Variants in TCF12 observed in about 807,000 individuals in gnomAD.
The protein encoded by TCF12 is transcription factor 12.
A neutral mutation model predicts 86.0 loss-of-function variants in TCF12; 45 were observed. That is an observed-to-expected ratio of 0.52 (90% CI 0.41 to 0.67). The LOEUF is 0.67. Among genes scored for constraint, TCF12 ranks in the 30% least tolerant of loss-of-function variants. TCF12 has a pLI of 0.00. For missense variants in TCF12, 881 were observed against 859.9 expected (o/e 1.02, Z -0.31); for synonymous variants, 330 against 299.6 (o/e 1.10, Z -1.05).
At chr15:57,197,022 C>CA (rs2057298120) in intron 7 of TCF12, among the ~76,000 whole-genome samples, 1 of 152,044 alleles carries the variant, frequency 6.6e-6, no homozygotes, top group Admixed American at 6.6e-5. Context: ...GCCTAATTCT[C>CA]AGTGTGATGC....
intron 8 of TCF12, among the ~76,000 whole-genome samples, chr15:57,206,308 C>T (rs1385106120): frequency 2.6e-5 from 4 of 152,130 alleles, no homozygotes; most frequent in African/African-American, 9.7e-5. Flanking sequence ...TGAGACCAGC[C>T]TGGCCAACAT....
chr15:56,991,348 A>G (rs1318932422), intron 3 of TCF12, among the ~76,000 whole-genome samples: 1 of 152,186 alleles, frequency 6.6e-6, no homozygotes, highest in Non-Finnish European at 1.5e-5. Flanking sequence ...CCCACATTGG[A>G]CAAGATAAAA....
chr15:57,072,006 A>G (rs1345977492), intron 4 of TCF12, among the ~76,000 whole-genome samples: 4 of 152,196 alleles, frequency 2.6e-5, no homozygotes, highest in Admixed American at 1.3e-4. Context: ...ATTCTTTGGG[A>G]GCCAATTAAA....
rs2068132729 is a variant in TCF12 at position 57,057,622 on chromosome 15, G to T, written c.149-6128G>T. Among the ~76,000 whole-genome samples the T allele has an allele frequency of 1.4e-5, 2 of 144,272 alleles. 1 individual carries two copies. Among genetic ancestry groups the T allele is most frequent in the South Asian group, 4.5e-4 (2 of 4,434 alleles). 94.6% of individuals were successfully genotyped at this position (144,272 alleles called of 152,430 possible). ...TAGAAGAGAAAGAACAGTAGGAGAT[G>T]AGTTCAGAGAGGTGGGAGGCAGAAC... On this transcript the variant is annotated intron_variant, in intron 3 of 20. Coordinates refer to ENST00000333725, the MANE Select transcript of TCF12 (RefSeq NM_207037.2).
chr15:57,130,757 C>G (rs1482321252), intron 5 of TCF12, among the ~76,000 whole-genome samples: 1 of 152,052 alleles, frequency 6.6e-6, no homozygotes, highest in African/African-American at 2.4e-5. Flanking sequence ...GAAAAATGTG[C>G]TTGTTGTGTT....
At chr15:56,981,066 T>G (rs1034164510) in intron 3 of TCF12, among the ~76,000 whole-genome samples, 2 of 152,194 alleles carry the variant, frequency 1.3e-5, no homozygotes, top group Non-Finnish European at 2.9e-5. Context: ...TAATGATGAT[T>G]TATCTAACAA....
intron 4 of TCF12, among the ~76,000 whole-genome samples, chr15:57,078,242 G>A (rs1347070931): frequency 6.6e-6 from 1 of 152,108 alleles, no homozygotes; most frequent in Non-Finnish European, 1.5e-5. Context: ...TGGTGTATTA[G>A]CATCTTCTAA....
At chr15:57,265,329 C>T (rs765500701) in intron 18 of TCF12, among the ~76,000 whole-genome samples, 5 of 151,852 alleles carry the variant, frequency 3.3e-5, no homozygotes, top group Admixed American at 1.3e-4. Context: ...CTTCCTTCAC[C>T]CCAAAAATGT....
rs545462286 is a variant in TCF12, at chr15:57,199,701, C to T, written c.579+1876C>T. ...AACAAGTCACTGAATTCTGATGAAA[C>T]TTGATTTCTTTGAGAACCATTAGGA... On this transcript the variant is annotated intron_variant, in intron 8 of 20. Transcript: ENST00000333725. 3.9e-5 allele frequency among the ~76,000 whole-genome samples: 6 copies of T among 152,264 alleles called. No individual in the cohort carries two copies. In the South Asian group the frequency reaches 1.2e-3, roughly 32 times the overall value.
At chr15:57,223,644 T>TTTTTTTTTGTTG (rs2058714117) in intron 8 of TCF12, among the ~76,000 whole-genome samples, 1 of 44,186 alleles carries the variant, frequency 2.3e-5, no homozygotes, top group Admixed American at 3.3e-4. Flanking sequence ...ACCAATGAGG[T>TTTTTTTTTGTTG]TTTTTTTTTT....
intron 5 of TCF12, among the ~76,000 whole-genome samples, chr15:57,147,564 A>AG (rs1199531873): frequency 5.9e-5 from 9 of 152,136 alleles, no homozygotes; most frequent in African/African-American, 2.2e-4. Context: ...TGCATGTTCT[A>AG]GGGAAAAAAA....
chr15:57,252,214 A>G (rs2060148297), intron 14 of TCF12: 2 of 430,884 alleles, frequency 4.6e-6, no homozygotes, highest in South Asian at 1.4e-4. Flanking sequence ...GCAAGCAATT[A>G]TAAGCAATGT....
At chr15:57,150,493 A>G (rs1363157117) in intron 5 of TCF12, among the ~76,000 whole-genome samples, 2 of 152,202 alleles carry the variant, frequency 1.3e-5, no homozygotes, top group African/African-American at 4.8e-5. Context: ...AAAAGGAGCA[A>G]ACTGATTCCA....
At chr15:57,280,498 TTTTG>T (rs2061637862) in intron 19 of TCF12, among the ~76,000 whole-genome samples, 3 of 152,182 alleles carry the variant, frequency 2.0e-5, no homozygotes. Context: ...TAATGAAGAT[TTTTG>T]TTTACTTTTT....
intron 5 of TCF12, among the ~76,000 whole-genome samples, chr15:57,161,930 C>T (rs1305008911): frequency 4.6e-5 from 7 of 152,054 alleles, no homozygotes; most frequent in East Asian, 3.9e-4. Flanking sequence ...TTGATGATTA[C>T]GTGTCATTGT....
At chr15:57,167,273 G>A (rs1167992466) in intron 6 of TCF12, among the ~76,000 whole-genome samples, 2 of 152,130 alleles carry the variant, frequency 1.3e-5, no homozygotes, top group African/African-American at 4.8e-5. Flanking sequence ...ATAATGTATT[G>A]TAGTAGGCTG....
rs377407272 is a variant in TCF12, at chr15:57,241,942, A to C, written c.1036-1530A>C. Among the ~76,000 whole-genome samples, 461 of 152,234 alleles carry C rather than the reference A, an allele frequency of 3.0e-3. 3 individuals carry two copies. The highest frequency in any genetic ancestry group is 0.011 in the African/African-American group (442 of 41,560). On this transcript the variant is annotated intron_variant, in intron 12 of 20. Transcript: ENST00000333725. ...TGTAGGTGGAGGTTGCAGTGAGCCA[A>C]GATCATGTCACTGCACTCCAGCCTG...
At chr15:56,945,125 A>G (rs996800022) in intron 3 of TCF12, among the ~76,000 whole-genome samples, 14 of 152,028 alleles carry the variant, frequency 9.2e-5, no homozygotes, top group African/African-American at 2.4e-5. Flanking sequence ...AACTTTTCCA[A>G]TTGTTTGTTG....
intron 3 of TCF12, among the ~76,000 whole-genome samples, chr15:57,052,179 G>T (rs752905248): frequency 7.2e-5 from 11 of 152,046 alleles, no homozygotes; most frequent in Non-Finnish European, 1.0e-4. Context: ...GAATTTTTTA[G>T]TCCATTTCAT....
Sources: allele counts gnomAD v4.1 joint callset (sites outside exome capture counted in the v4.1 genomes callset), GRCh38; gene constraint gnomAD v4.1.1; transcripts MANE v1.5; gene names NCBI Gene and HGNC (gene_info 2026-07-23, HGNC 2026-07-21).